The following HSPG2 variants were observed in gnomAD, a reference collection of about 807,000 sequenced individuals.
HSPG2 encodes basement membrane-specific heparan sulfate proteoglycan core protein.
Under a neutral mutation model 526.6 loss-of-function variants are expected in HSPG2, and 278 were observed. The observed-to-expected ratio is 0.53, with a 90% CI of 0.48 to 0.58. HSPG2 has a LOEUF of 0.58. Among genes scored for constraint, HSPG2 ranks in the 20% least tolerant of loss-of-function variants. HSPG2 has a pLI of 0.00. For synonymous variants in HSPG2, 2,465 were observed against 2,555.4 expected, an observed-to-expected ratio of 0.96 and a Z score of 1.07; for missense variants, 5,354 against 6,099.5, an observed-to-expected ratio of 0.88 and a Z score of 4.07.
At chr1:21,885,293 G>C in intron 10 of HSPG2, 27 bp downstream of exon 10, 1 of 1,613,554 alleles carries the variant, frequency 6.2e-7, no homozygotes, top group Non-Finnish European at 8.5e-7. Context: ...CCCAGGGCCC[G>C]CATCTCGACC....
intron 29 of HSPG2, 148 bp downstream of exon 29, chr1:21,873,777 G>C (rs1444480799): frequency 1.5e-6 from 1 of 682,368 alleles, no homozygotes; most frequent in Non-Finnish European, 2.5e-6. Context: ...CTCCCGAGGA[G>C]GGGAGCTGAC....
At chr1:21,845,689 G>A (rs1231040128) in intron 64 of HSPG2, among the ~76,000 whole-genome samples, 1 of 152,126 alleles carries the variant, frequency 6.6e-6, no homozygotes, top group Non-Finnish European at 1.5e-5. Context: ...TAATAAAGAT[G>A]TGTAAATCAC....
At position 21,907,810 on chromosome 1, in the gene HSPG2, G is replaced by A. The variant is rs1557819348; in HGVS notation, c.64-11500C>T. 2.0e-5 allele frequency among the ~76,000 whole-genome samples: 3 copies of A among 152,246 alleles called. No individual in the cohort carries two copies. The South Asian group carries it at 6.2e-4, about 32-fold the overall frequency. On this transcript the variant is annotated intron_variant, in intron 1 of 96. Transcript: ENST00000374695. ...ATTACAGGCATGAGCCACTGTGCCC[G>A]GCTACAAATCCACCTCTTTCCTTTC... is the stretch of plus-strand genomic sequence containing the variant.
chr1:21,864,165 G>A lies in HSPG2; in HGVS notation c.4675C>T (p.His1559Tyr). 1 of 1,555,812 alleles carries A rather than the reference G, an allele frequency of 6.4e-7. No individual in the cohort carries two copies. The highest frequency in any genetic ancestry group is 8.7e-7 in the Non-Finnish European group (1 of 1,149,568). Residue 1559 changes from histidine to tyrosine, a missense_variant, in exon 37 of 97, where the codon CAC becomes TAC. Physicochemically the swap from His to Tyr is moderately conservative, Grantham distance 83. Transcript: ENST00000374695. The surrounding 1 kb of genome is among the most constrained non-coding windows in gnomAD (Gnocchi z 4.8). ...TRTGSGLYLG[H>Y]CELCECNGHS... ...CCATTGCATTCACATAGCTCGCAGT[G>A]GCCGAGGTAGAGCCCACTCCCGGTG... is the stretch of plus-strand genomic sequence containing the variant.
At chr1:21,866,030 C>T (rs529599481) in intron 33 of HSPG2, among the ~76,000 whole-genome samples, 132 of 152,068 alleles carry the variant, frequency 8.7e-4, no homozygotes, top group African/African-American at 2.7e-3. Flanking sequence ...TGATGCTGAG[C>T]AGCCTCTTTG....
chr1:21,885,405 G>T lies in HSPG2; in HGVS notation c.1125C>A (p.Cys375Ter), dbSNP rs543805444. 1 of 1,614,018 alleles carries T rather than the reference G, an allele frequency of 6.2e-7. No individual in the cohort carries two copies. ...EEVCGPTQFR[C>*]VSTNMCIPAS... Reference sequence around the variant, plus strand: ...CTGGGATGCACATGTTGGTAGAGACGCATCGGAACTGTGTGGGCCCGCACA... The same window carrying T: ...CTGGGATGCACATGTTGGTAGAGACTCATCGGAACTGTGTGGGCCCGCACA... The change falls in exon 10 of 97, where the codon TGC (cysteine) becomes TGA (stop). Residue 375 changes from cysteine (C) to a stop codon, truncating the protein, a stop_gained. Coordinates refer to ENST00000374695, the MANE Select transcript of HSPG2 (RefSeq NM_005529.7). LOFTEE classifies it high-confidence loss of function.
intron 44 of HSPG2, 38 bp from the exon 45 acceptor site, chr1:21,855,950 G>T: frequency 6.2e-7 from 1 of 1,600,974 alleles, no homozygotes; most frequent in Non-Finnish European, 8.5e-7. Context: ...CTCAGGGTGG[G>T]GAGTGTCGTC....
chr1:21,937,192 A>G lies in HSPG2; in HGVS notation c.26T>C (p.Leu9Pro), dbSNP rs1289486927. ...CCCGTGCAGCAGCAGCGCCAGCAGC[A>G]GCGCGCCCGCCGCCCGCCACCCCAT... MGWRAAGA[L>P]LLALLLHGRL... is the part of the protein sequence containing the mutation. The change falls in exon 1 of 97, where the codon CTG becomes CCG. Residue 9 changes from leucine to proline, a missense_variant. By Grantham distance (98) the Leu-to-Pro change is moderately conservative. Transcript: ENST00000374695. 9.2e-7 allele frequency: 1 copy of G among 1,084,270 alleles called. No homozygotes were observed. Among genetic ancestry groups the G allele is most frequent in the African/African-American group, 1.7e-5 (1 of 57,270 alleles). 67.2% of individuals were successfully genotyped at this position (1,084,270 alleles called of 1,614,324 possible).
Position 21,829,289 on chromosome 1 carries a change from G to A in HSPG2, c.11992+94C>T. The A allele has an allele frequency of 4.8e-6, 7 of 1,446,468 alleles. No homozygotes were observed. The South Asian group carries it at 8.0e-5, about 17-fold the overall frequency. The allele number at this position is 1,446,468 out of a possible 1,614,324, so 89.6% of individuals were successfully genotyped here. On this transcript the variant is annotated intron_variant, in intron 87 of 96. Transcript: ENST00000374695. ...GAAGAGGGGACTTGCCCTGATCCCT[G>A]CATTTATCCTCCCATGCCTCCCTGG...
intron 64 of HSPG2, among the ~76,000 whole-genome samples, chr1:21,845,779 C>T (rs1353208940): frequency 4.6e-5 from 7 of 152,178 alleles, no homozygotes. Flanking sequence ...GTACTACTAC[C>T]CCTTCTTTAC....
At chr1:21,863,060 CAAAAAAAAAAA>C (rs60890297) in intron 37 of HSPG2, among the ~76,000 whole-genome samples, 2 of 31,234 alleles carry the variant, frequency 6.4e-5, no homozygotes, top group South Asian at 1.8e-3. Context: ...GACTCCATCT[CAAAAAAAAAAA>C]AAAAAAAAAA....
intron 1 of HSPG2, chr1:21,908,525 C>A: frequency 1.1e-6 from 1 of 949,996 alleles, no homozygotes; most frequent in Non-Finnish European, 1.7e-6. Flanking sequence ...TTTGTGAGAA[C>A]CAATGGGAAG....
chr1:21,890,353 C>T lies in HSPG2; in HGVS notation c.413+74G>A. 2 of 1,479,844 alleles carry T rather than the reference C, an allele frequency of 1.4e-6. No homozygotes were observed. Among genetic ancestry groups the T allele is most frequent in the Non-Finnish European group, 1.9e-6 (2 of 1,058,686 alleles). 91.7% of individuals were successfully genotyped at this position (1,479,844 alleles called of 1,614,324 possible). A position where few individuals can be genotyped will look rare whatever the true frequency, so the allele number is the denominator to read the frequency against. On this transcript the variant is annotated intron_variant, in intron 5 of 96. Coordinates refer to ENST00000374695, the MANE Select transcript of HSPG2 (RefSeq NM_005529.7). This position sits in a 1 kb window ranked among gnomAD's most constrained non-coding sequence, Gnocchi z 4.1. ...AGGCCTTTCCGCGGTGCCAGGCTTCCTTCCCATCCTCATCAGCCCCCTCCA... is the reference window on the plus strand; with the variant it reads ...AGGCCTTTCCGCGGTGCCAGGCTTCTTTCCCATCCTCATCAGCCCCCTCCA...
rs1027842475 is a variant in HSPG2 at position 21,880,707 on chromosome 1, G to A, written c.1947C>T (p.His649=). ...GAGYRLLSRG[H]TPTQPGALNQ... is the part of the protein sequence containing the mutation. ...TCAGAGCACCAGGTTGGGTGGGTGT[G>A]TGGCCTCGGGAGAGGAGGCGGTACC... Residue 649 remains histidine (H), a synonymous_variant, in exon 15 of 97, where the codon CAC becomes CAT. Coordinates refer to ENST00000374695, the MANE Select transcript of HSPG2 (RefSeq NM_005529.7). 1.3e-6 allele frequency: 2 copies of A among 1,599,678 alleles called. No homozygotes were observed. The highest frequency in any genetic ancestry group is 1.7e-5 in the Admixed American group (1 of 57,678).
rs1638800513 is a variant in HSPG2 at position 21,850,420 on chromosome 1, A to G, written c.7237T>C (p.Ser2413Pro). 1 of 1,611,906 alleles carries G rather than the reference A, an allele frequency of 6.2e-7. No individual in the cohort carries two copies. The highest frequency in any genetic ancestry group is 8.5e-7 in the Non-Finnish European group (1 of 1,179,344). ...GEYVCRVLGS[S>P]VPLEASVLVT... is the part of the protein sequence containing the mutation. ...AGGACAGAGGCCTCTAGAGGCACGGAGCTGCCCAACACTCGGCACACGTAC... is the reference window on the plus strand; with the variant it reads ...AGGACAGAGGCCTCTAGAGGCACGGGGCTGCCCAACACTCGGCACACGTAC... The change falls in exon 56 of 97, where the codon TCC becomes CCC. Residue 2413 changes from serine to proline, a missense_variant. Ser to Pro is a moderately conservative substitution (Grantham distance 74). Transcript: ENST00000374695.
At chr1:21,905,327 C>T (rs1216495001) in intron 1 of HSPG2, among the ~76,000 whole-genome samples, 1 of 140,630 alleles carries the variant, frequency 7.1e-6, no homozygotes, top group African/African-American at 2.4e-5. Flanking sequence ...AACTCCCTGC[C>T]TTCTAAAATA....
chr1:21,887,597 T>C lies in HSPG2; in HGVS notation c.781A>G (p.Thr261Ala), dbSNP rs760057411. The change falls in exon 8 of 97, where the codon ACC becomes GCC. Residue 261 changes from threonine to alanine, a missense_variant. Physicochemically the swap from Thr to Ala is moderately conservative, Grantham distance 58 (BLOSUM62 0). Coordinates refer to ENST00000374695, the MANE Select transcript of HSPG2 (RefSeq NM_005529.7). The surrounding 1 kb of genome is among the most constrained non-coding windows in gnomAD (Gnocchi z 5.0). ...TTSLPPRPET[T>A]IMRQPPVTHA... ...GTGACTGGTGGCTGTCGCATGATGG[T>C]TGTCTCTGGCCGGGGCGGTAAAGAT... The C allele has an allele frequency of 1.9e-6, 3 of 1,614,028 alleles. No individual in the cohort carries two copies. The highest frequency in any genetic ancestry group is 1.3e-5 in the African/African-American group (1 of 75,026).
chr1:21,828,280 C>T lies in HSPG2; in HGVS notation c.12384G>A (p.Gln4128=), dbSNP rs1389250474. 1.9e-6 allele frequency: 3 copies of T among 1,613,772 alleles called. No individual in the cohort carries two copies. Among genetic ancestry groups the T allele is most frequent in the African/African-American group, 1.3e-5 (1 of 75,032 alleles). ...TCMPAGEYEF[Q]CLCRDGFKGD... ...CTTTGAATCCATCTCGACACAGGCA[C>T]TGGAACTCATACTCGCCAGCGGGCA... is the stretch of plus-strand genomic sequence containing the variant. Residue 4128 remains glutamine (Q), a synonymous_variant, in exon 89 of 97, where the codon CAG becomes CAA. Transcript: ENST00000374695. The surrounding 1 kb of genome is among the most constrained non-coding windows in gnomAD (Gnocchi z 6.0).
chr1:21,833,044 C>T (rs932298530), intron 80 of HSPG2: 5 of 607,994 alleles, frequency 8.2e-6, no homozygotes, highest in African/African-American at 7.3e-5. Flanking sequence ...AGAGGAGCCA[C>T]GAGGAGGCTG....
Sources: gnomAD v4.1 joint callset for allele counts (sites outside exome capture counted in the v4.1 genomes callset) on GRCh38, gnomAD v4.1.1 for gene constraint, Gnocchi (gnomAD v3.1) non-coding constraint, MANE v1.5 for transcripts, NCBI Gene and HGNC (gene_info 2026-07-23, HGNC 2026-07-21) for gene names.